The following ARRDC4 variants were observed in gnomAD, a reference collection of about 807,000 sequenced individuals.
ARRDC4 encodes the protein arrestin domain-containing protein 4.
In ARRDC4, 40 loss-of-function variants were observed where a neutral mutation model predicts 44.6. The observed-to-expected ratio is 0.90, with a 90% CI of 0.70 to 1.17. ARRDC4 has a LOEUF of 1.17. Ranked by LOEUF, ARRDC4 falls within the 50% of genes most tolerant of loss-of-function variation. ARRDC4 has a pLI of 0.00. For missense variants in ARRDC4, 550 were observed against 559.1 expected (o/e 0.98, Z 0.16); for synonymous variants, 211 against 221.2 (o/e 0.95, Z 0.41).
chr15:97,970,659 C>T lies in ARRDC4; in HGVS notation c.1116C>T (p.Pro372=). The change falls in exon 7 of 8, where the codon CCC becomes CCT. Residue 372 remains proline (P), a synonymous_variant. Coordinates refer to ENST00000268042, the MANE Select transcript of ARRDC4 (RefSeq NM_183376.3). The surrounding 1 kb of genome is among the most constrained non-coding windows in gnomAD (Gnocchi z 4.2). The part of the protein sequence containing the change: ...FSRHIPPYPQ[P]PNCEGEVCCP... ...GACACATTCCTCCTTACCCTCAACC[C>T]CCTAACTGTGAGGGAGAAGTGTGCT... is the stretch of plus-strand genomic sequence containing the variant. 1.9e-6 allele frequency: 3 copies of T among 1,613,312 alleles called. No individual in the cohort carries two copies. The highest frequency in any genetic ancestry group is 2.5e-6 in the Non-Finnish European group (3 of 1,179,444).
intron 1 of ARRDC4, 90 bp downstream of exon 1, chr15:97,961,258 G>T (rs1395789118): frequency 3.3e-6 from 4 of 1,203,048 alleles, no homozygotes; most frequent in Non-Finnish European, 3.2e-6. Context: ...ATGCCCACCT[G>T]GCAGGTGAGA....
At position 97,970,805 on chromosome 15, in the gene ARRDC4, C is replaced by T; in HGVS notation, c.1200+62C>T. 1 of 1,519,012 alleles carries T rather than the reference C, an allele frequency of 6.6e-7. No homozygotes were observed. Among genetic ancestry groups the T allele is most frequent in the South Asian group, 1.2e-5 (1 of 84,742 alleles). The allele number at this position is 1,519,012 out of a possible 1,614,324, so 94.1% of individuals were successfully genotyped here. ...TTATTTTCAAATAATCATTTTTTGT[C>T]ATCCGTTCATTAGAGTGTCTGTTGC... On this transcript the variant is annotated intron_variant, in intron 7 of 7. Coordinates refer to ENST00000268042, the MANE Select transcript of ARRDC4 (RefSeq NM_183376.3). This position sits in a 1 kb window ranked among gnomAD's most constrained non-coding sequence, Gnocchi z 4.2.
intron 1 of ARRDC4, among the ~76,000 whole-genome samples, chr15:97,962,179 T>G (rs2141531821): frequency 6.6e-6 from 1 of 152,284 alleles, no homozygotes; most frequent in East Asian, 1.9e-4. Flanking sequence ...ATACAAAATA[T>G]AATAGAATAT....
intron 1 of ARRDC4, among the ~76,000 whole-genome samples, chr15:97,963,962 G>A (rs535023544): frequency 1.3e-5 from 2 of 152,172 alleles, no homozygotes; most frequent in Non-Finnish European, 2.9e-5. Flanking sequence ...CTGAGCACAC[G>A]TCAGCCACTG....
chr15:97,961,744 T>C (rs1899325569), intron 1 of ARRDC4, among the ~76,000 whole-genome samples: 1 of 152,168 alleles, frequency 6.6e-6, no homozygotes, highest in Non-Finnish European at 1.5e-5. Flanking sequence ...GAGTTGTACC[T>C]CTACCTGATA....
Position 97,968,001 on chromosome 15 carries a change from T to G in ARRDC4, c.523-13T>G. On this transcript the variant is annotated splice_polypyrimidine_tract_variant and intron_variant, in intron 3 of 7. Coordinates refer to ENST00000268042, the MANE Select transcript of ARRDC4 (RefSeq NM_183376.3). The surrounding 1 kb of genome is among the most constrained non-coding windows in gnomAD (Gnocchi z 5.4). ...GCTTAATTAAGGTTGTTTTATTGTT[T>G]GAAATTTTCAAGACCCCTGTATTGA... 1.9e-6 allele frequency: 3 copies of G among 1,562,782 alleles called. No individual in the cohort carries two copies. Among genetic ancestry groups the G allele is most frequent in the Non-Finnish European group, 2.6e-6 (3 of 1,149,344 alleles).
chr15:97,962,645 G>T (rs1899341523), intron 1 of ARRDC4, among the ~76,000 whole-genome samples: 2 of 152,138 alleles, frequency 1.3e-5, no homozygotes, highest in East Asian at 3.9e-4. Flanking sequence ...ATATACACAT[G>T]TGGAACAGAA....
rs763773379 is a variant in ARRDC4 at position 97,971,160 on chromosome 15, G to GA, written c.1231dup (p.Ser411LysfsTer22). ...ACCCACATCCTAGCGACGTAGAAGAGAGCCAGCCTGTTTCCTTCATTCTCT... is the reference window on the plus strand; with the variant it reads ...ACCCACATCCTAGCGACGTAGAAGAGAAGCCAGCCTGTTTCCTTCATTCTCT... On this transcript the variant is annotated frameshift_variant, in exon 8 of 8. Coordinates refer to ENST00000268042, the MANE Select transcript of ARRDC4 (RefSeq NM_183376.3). LOFTEE classifies it high-confidence loss of function. The GA allele has an allele frequency of 2.5e-6, 4 of 1,613,386 alleles. No individual in the cohort carries two copies. The highest frequency in any genetic ancestry group is 1.1e-5 in the South Asian group (1 of 91,066).
Position 97,970,055 on chromosome 15 carries a change from G to A in ARRDC4, c.1045+10G>A, listed in dbSNP as rs761130298. 5.0e-6 allele frequency: 8 copies of A among 1,601,056 alleles called. No homozygotes were observed. Among genetic ancestry groups the A allele is most frequent in the African/African-American group, 1.3e-5 (1 of 74,700 alleles). The stretch of plus-strand genomic sequence containing the variant: ...CCAGAGCAGCCTGAAGGTAAAATAT[G>A]TTGGCGTTCTTTCATAACGAAGCTT... On this transcript the variant is annotated intron_variant, in intron 6 of 7. Transcript: ENST00000268042. This position sits in a 1 kb window ranked among gnomAD's most constrained non-coding sequence, Gnocchi z 4.2.
chr15:97,964,677 G>A (rs536859786), intron 1 of ARRDC4, among the ~76,000 whole-genome samples: 2 of 152,044 alleles, frequency 1.3e-5, no homozygotes, highest in Non-Finnish European at 2.9e-5. Flanking sequence ...AAGGGCCCTG[G>A]CCATGCTTGG....
intron 1 of ARRDC4, among the ~76,000 whole-genome samples, chr15:97,964,509 A>T (rs552649470): frequency 1.6e-4 from 25 of 152,272 alleles, no homozygotes; most frequent in African/African-American, 6.0e-4. Context: ...TCTACTTTGG[A>T]TCTGAATTAA....
Position 97,967,320 on chromosome 15 carries a change from G to T in ARRDC4, c.523-694G>T, listed in dbSNP as rs1489222037. 1.3e-5 allele frequency among the ~76,000 whole-genome samples: 2 copies of T among 152,074 alleles called. No homozygotes were observed. Among genetic ancestry groups the T allele is most frequent in the Non-Finnish European group, 2.9e-5 (2 of 68,006 alleles). On this transcript the variant is annotated intron_variant, in intron 3 of 7. Transcript: ENST00000268042. The surrounding 1 kb of genome is among the most constrained non-coding windows in gnomAD (Gnocchi z 5.0). Reference sequence around the variant, plus strand: ...AAAAAAAAAATATTGCAAGTAACTGGGTTTTACAGAAAGCTTTGGTGTGTG... The same window carrying T: ...AAAAAAAAAATATTGCAAGTAACTGTGTTTTACAGAAAGCTTTGGTGTGTG...
rs771071661 is a variant in ARRDC4 at position 97,970,705 on chromosome 15, C to T, written c.1162C>T (p.Gln388Ter). Residue 388 changes from glutamine (Q) to a stop codon, truncating the protein, a stop_gained, in exon 7 of 8, where the codon CAA becomes TAA. Coordinates refer to ENST00000268042, the MANE Select transcript of ARRDC4 (RefSeq NM_183376.3). LOFTEE classifies it high-confidence loss of function. This position sits in a 1 kb window ranked among gnomAD's most constrained non-coding sequence, Gnocchi z 4.2. ...EVCCPVFACI[Q>*]EFRFQPPPLY... ...GTGCTGTCCTGTGTTTGCCTGTATACAAGAATTCCGGTTTCAACCCCCACC... is the reference window on the plus strand; with the variant it reads ...GTGCTGTCCTGTGTTTGCCTGTATATAAGAATTCCGGTTTCAACCCCCACC... 1.9e-6 allele frequency: 3 copies of T among 1,613,494 alleles called. No homozygotes were observed. Among genetic ancestry groups the T allele is most frequent in the East Asian group, 4.5e-5 (2 of 44,864 alleles).
At chr15:97,961,358 C>G (rs1899315620) in intron 1 of ARRDC4, among the ~76,000 whole-genome samples, 190 bp downstream of exon 1, 2 of 152,306 alleles carry the variant, frequency 1.3e-5, no homozygotes, top group South Asian at 4.1e-4. Context: ...TCCTGGCGCC[C>G]CGCCCCTGGC....
At position 97,968,289 on chromosome 15, in the gene ARRDC4, G is replaced by A. The variant is rs1337311027; in HGVS notation, c.625+173G>A. ...TGATATTTAAGTATTTTTAAAAGGAGGAATTGTTTCCAGTCAAACTCCTGT... is the reference window on the plus strand; with the variant it reads ...TGATATTTAAGTATTTTTAAAAGGAAGAATTGTTTCCAGTCAAACTCCTGT... On this transcript the variant is annotated intron_variant, in intron 4 of 7. Coordinates refer to ENST00000268042, the MANE Select transcript of ARRDC4 (RefSeq NM_183376.3). The surrounding 1 kb of genome is among the most constrained non-coding windows in gnomAD (Gnocchi z 5.4). Among the ~76,000 whole-genome samples, 1 of 152,044 alleles carries A rather than the reference G, an allele frequency of 6.6e-6. No homozygotes were observed. Among genetic ancestry groups the A allele is most frequent in the Non-Finnish European group, 1.5e-5 (1 of 68,012 alleles).
intron 5 of ARRDC4, among the ~76,000 whole-genome samples, 184 bp downstream of exon 5, chr15:97,969,563 GA>G (rs1899473246): frequency 6.6e-6 from 1 of 152,280 alleles, no homozygotes; most frequent in Middle Eastern, 3.4e-3. Flanking sequence ...GGATTTAATA[GA>G]ATGCCATAAA....
intron 1 of ARRDC4, among the ~76,000 whole-genome samples, chr15:97,963,152 G>A (rs754401596): frequency 9.2e-5 from 14 of 152,200 alleles, no homozygotes; most frequent in Non-Finnish European, 1.9e-4. Context: ...TGCATCCCAC[G>A]GCTCATCAAA....
chr15:97,962,172 CA>C (rs1899335249), intron 1 of ARRDC4, among the ~76,000 whole-genome samples: 1 of 152,108 alleles, frequency 6.6e-6, no homozygotes, highest in Non-Finnish European at 1.5e-5. Context: ...ATGTCTTATA[CA>C]AAATATAATA....
In ARRDC4 at chr15:97,970,081, TA is replaced by T; in HGVS notation, c.1045+37del. ...TTGGCGTTCTTTCATAACGAAGCTT[TA>T]CCTAGAAAATACCTAGGAACAGAAT... On this transcript the variant is annotated intron_variant, in intron 6 of 7. Transcript: ENST00000268042. The surrounding 1 kb of genome is among the most constrained non-coding windows in gnomAD (Gnocchi z 4.2). 8 of 1,590,970 alleles carry T rather than the reference TA, an allele frequency of 5.0e-6. No homozygotes were observed. Among genetic ancestry groups the T allele is most frequent in the Non-Finnish European group, 6.9e-6 (8 of 1,162,944 alleles).
Sources: allele counts gnomAD v4.1 joint callset (sites outside exome capture counted in the v4.1 genomes callset), GRCh38; gene constraint gnomAD v4.1.1; non-coding constraint Gnocchi (gnomAD v3.1); transcripts MANE v1.5; gene names NCBI Gene and HGNC (gene_info 2026-07-23, HGNC 2026-07-21).